The following RFTN2 variants were observed in gnomAD, a reference collection of about 807,000 sequenced individuals.
RFTN2 encodes raftlin family member 2.
Under a neutral mutation model 52.7 loss-of-function variants are expected in RFTN2, and 34 were observed. The observed-to-expected ratio is 0.64, with a 90% confidence interval of 0.49 to 0.86. The LOEUF (loss-of-function observed/expected upper bound fraction) is 0.86. RFTN2 is among the 40% of genes least tolerant of loss of function. The pLI, the probability that RFTN2 is intolerant of heterozygous loss-of-function variation, is 0.00. For missense variants in RFTN2, 536 were observed against 600.1 expected, an observed-to-expected ratio of 0.89 and a Z score of 1.12; for synonymous variants, 203 against 217.7, an observed-to-expected ratio of 0.93 and a Z score of 0.59.
chr2:197,618,979 C>A (rs1205890987), intron 5 of RFTN2, among the ~76,000 whole-genome samples: 2 of 151,432 alleles, frequency 1.3e-5, no homozygotes, highest in Non-Finnish European at 2.9e-5. Context: ...CCCGCCCGGC[C>A]AGCCGCCCCA....
At chr2:197,578,812 G>C (rs531868269) in intron 8 of RFTN2, among the ~76,000 whole-genome samples, 1 of 152,268 alleles carries the variant, frequency 6.6e-6, no homozygotes, top group Admixed American at 6.5e-5. Flanking sequence ...GACCACCCTT[G>C]GCAGATCAAT....
intron 7 of RFTN2, among the ~76,000 whole-genome samples, chr2:197,607,666 T>C (rs902307031): frequency 1.3e-5 from 2 of 152,132 alleles, no homozygotes; most frequent in African/African-American, 4.8e-5. Flanking sequence ...TTTTGAAAAC[T>C]GAAATAAAAT....
intron 5 of RFTN2, among the ~76,000 whole-genome samples, chr2:197,624,559 C>T (rs2088321636): frequency 8.0e-6 from 1 of 124,622 alleles, no homozygotes; most frequent in Admixed American, 1.1e-4. Context: ...GATCTCACCA[C>T]AGCACTCCAG....
intron 1 of RFTN2, among the ~76,000 whole-genome samples, chr2:197,664,268 T>C (rs2106269761): frequency 6.7e-6 from 1 of 149,800 alleles, no homozygotes; most frequent in South Asian, 2.1e-4. Flanking sequence ...AGGTCAGGAG[T>C]TCAAGACCAG....
At chr2:197,620,394 A>G (rs762079501) in intron 5 of RFTN2, among the ~76,000 whole-genome samples, 1 of 152,162 alleles carries the variant, frequency 6.6e-6, no homozygotes, top group Non-Finnish European at 1.5e-5. Context: ...TCCCATGGTC[A>G]TGTGCTGCTT....
rs112811934 is a variant in RFTN2 at position 197,611,941 on chromosome 2, C to T, written c.1154+3935G>A. Among the ~76,000 whole-genome samples the T allele has an allele frequency of 9.1e-3, 1,386 of 152,266 alleles. 26 individuals carry two copies. Among genetic ancestry groups the T allele is most frequent in the African/African-American group, 0.032 (1,319 of 41,540 alleles). ...GCAGTTTTGAGTGAGTTTCTTAATC[C>T]TGAGTTCTAATTTGATTGCACTGTG... On this transcript the variant is annotated intron_variant, in intron 7 of 8. Coordinates refer to ENST00000295049, the MANE Select transcript of RFTN2 (RefSeq NM_144629.3).
intron 2 of RFTN2, among the ~76,000 whole-genome samples, chr2:197,645,724 C>T (rs982304840): frequency 5.3e-5 from 8 of 152,092 alleles, no homozygotes; most frequent in East Asian, 1.9e-4. Context: ...GTCTTTCTGT[C>T]GTTAAAAGTT....
At chr2:197,634,640 T>G (rs943101107) in intron 3 of RFTN2, among the ~76,000 whole-genome samples, 2 of 152,030 alleles carry the variant, frequency 1.3e-5, no homozygotes, top group Non-Finnish European at 2.9e-5. Context: ...CTGAAGCACA[T>G]GATATAATAT....
chr2:197,589,219 CAAAAAAAAAAAAAAAAAAAA>C (rs35798927), intron 8 of RFTN2, among the ~76,000 whole-genome samples: 1 of 33,536 alleles, frequency 3.0e-5, no homozygotes, highest in Admixed American at 6.3e-4. Flanking sequence ...GACTCTGTCT[CAAAAAAAAAAAAAAAAAAAA>C]AAAAAAAAAA....
intron 5 of RFTN2, among the ~76,000 whole-genome samples, chr2:197,624,834 A>G (rs937200046): frequency 2.0e-5 from 3 of 152,054 alleles, no homozygotes; most frequent in Non-Finnish European, 2.9e-5. Flanking sequence ...CCTTGGTCCC[A>G]GCTACCCAAG....
rs532599519 is a variant in RFTN2, at chr2:197,638,627, G to A, written c.439-4630C>T. On this transcript the variant is annotated intron_variant, in intron 3 of 8. Coordinates refer to ENST00000295049, the MANE Select transcript of RFTN2 (RefSeq NM_144629.3). ...CTCCATCCTTTTATTTTGAGCCTAT[G>A]TGTGTTTCTGCACGTGAGATGTGTT... Among the ~76,000 whole-genome samples the A allele has an allele frequency of 4.3e-4, 64 of 148,002 alleles. 2 individuals are homozygous for A. The South Asian group carries it at 9.8e-3, about 23-fold the overall frequency.
At chr2:197,659,825 A>G (rs1244466807) in intron 1 of RFTN2, among the ~76,000 whole-genome samples, 1 of 152,226 alleles carries the variant, frequency 6.6e-6, no homozygotes, top group African/African-American at 2.4e-5. Flanking sequence ...TCTCAAAAAA[A>G]AAAATGCTAT....
At position 197,664,012 on chromosome 2, in the gene RFTN2, A is replaced by G. The variant is rs560210161; in HGVS notation, c.139+11308T>C. The stretch of plus-strand genomic sequence containing the variant: ...TATATTTTCATCTTCATTAATATCA[A>G]GACATTTTTAAATTTCCTTCTTAAT... On this transcript the variant is annotated intron_variant, in intron 1 of 8. Coordinates refer to ENST00000295049, the MANE Select transcript of RFTN2 (RefSeq NM_144629.3). Among the ~76,000 whole-genome samples the G allele has an allele frequency of 3.3e-5, 5 of 152,320 alleles. No individual in the cohort carries two copies. In the East Asian group the frequency reaches 7.7e-4, roughly 23 times the overall value.
chr2:197,666,101 T>C (rs1483087619), intron 1 of RFTN2, among the ~76,000 whole-genome samples: 2 of 152,132 alleles, frequency 1.3e-5, no homozygotes, highest in Admixed American at 6.5e-5. Context: ...TTTTTTTTTT[T>C]TGAGATGGAG....
chr2:197,587,229 T>C (rs2087615097), intron 8 of RFTN2, among the ~76,000 whole-genome samples: 1 of 152,110 alleles, frequency 6.6e-6, no homozygotes, highest in Non-Finnish European at 1.5e-5. Flanking sequence ...ACGCTGCCCC[T>C]AATCCTGCTT....
chr2:197,617,824 T>A lies in RFTN2; in HGVS notation c.1026A>T (p.Val342=), dbSNP rs777904515. The change falls in exon 6 of 9, where the codon GTA becomes GTT. Residue 342 remains valine, a synonymous_variant. Transcript: ENST00000295049. ...GSSRKGNDAI[V]VEQWTVIEGC... ...CCTCAATAACAGTCCATTGTTCTACTACGATGGCATCATTTCCTTTCCTAC... is the reference window on the plus strand; with the variant it reads ...CCTCAATAACAGTCCATTGTTCTACAACGATGGCATCATTTCCTTTCCTAC... 1.9e-6 allele frequency: 3 copies of A among 1,606,070 alleles called. No individual in the cohort carries two copies. The East Asian group carries it at 6.7e-5, about 36-fold the overall frequency.
intron 3 of RFTN2, among the ~76,000 whole-genome samples, chr2:197,640,316 G>A (rs1426543317): frequency 1.3e-5 from 2 of 152,124 alleles, no homozygotes; most frequent in South Asian, 2.1e-4. Flanking sequence ...GGGCAATGGC[G>A]GGCGCCCCTC....
intron 5 of RFTN2, among the ~76,000 whole-genome samples, chr2:197,628,762 A>G (rs2088411872): frequency 1.3e-5 from 2 of 152,230 alleles, no homozygotes; most frequent in South Asian, 4.1e-4. Context: ...ACTGTAGGCT[A>G]GGCATTCTGG....
Position 197,671,695 on chromosome 2 carries a change from A to C in RFTN2, c.139+3625T>G, listed in dbSNP as rs577297164. Reference sequence around the variant, plus strand: ...AATGGTGATGATGAAAGACAAATAGAATTTCTTGTTCTAATAATAATGAAG... The same window carrying C: ...AATGGTGATGATGAAAGACAAATAGCATTTCTTGTTCTAATAATAATGAAG... On this transcript the variant is annotated intron_variant, in intron 1 of 8. Coordinates refer to ENST00000295049, the MANE Select transcript of RFTN2 (RefSeq NM_144629.3). 3.3e-5 allele frequency among the ~76,000 whole-genome samples: 5 copies of C among 152,364 alleles called. No homozygotes were observed. The South Asian group carries it at 1.0e-3, about 32-fold the overall frequency.
Sources: allele counts gnomAD v4.1 joint callset (sites outside exome capture counted in the v4.1 genomes callset), GRCh38; gene constraint gnomAD v4.1.1; transcripts MANE v1.5; gene names NCBI Gene and HGNC (gene_info 2026-07-23, HGNC 2026-07-21).